The following CEBPZ variants were observed in gnomAD, a reference collection of about 807,000 sequenced individuals.
CEBPZ encodes the protein CCAAT enhancer binding protein zeta.
Under a neutral mutation model 104.5 loss-of-function variants are expected in CEBPZ, and 78 were observed. The ratio of observed to expected loss-of-function variants is 0.75; its 90% CI spans 0.62 to 0.90. CEBPZ has a LOEUF of 0.90. Ranked by LOEUF, CEBPZ falls within the 40% of genes least tolerant of loss-of-function variation. CEBPZ has a pLI of 0.00. For synonymous variants in CEBPZ, 470 were observed against 427.0 expected, an observed-to-expected ratio of 1.10 and a Z score of -1.24; for missense variants, 1,439 against 1,233.5, an observed-to-expected ratio of 1.17 and a Z score of -2.50.
intron 3 of CEBPZ, 124 bp from the exon 4 acceptor site, chr2:37,222,687 A>G: frequency 1.6e-6 from 1 of 610,970 alleles, no homozygotes; most frequent in South Asian, 2.6e-5. Context: ...AAGTTCTAAT[A>G]AAGTAAAATG....
Position 37,228,553 on chromosome 2 carries a change from G to C in CEBPZ, c.640C>G (p.Gln214Glu), listed in dbSNP as rs879467969. ...CTTTTGAATAAGTTGATTTCATGCT[G>C]ATACAGCTTCTGAGCAAGGGTTTTG... Reference protein sequence around the residue: ...KYKTLAQKLYQHEINLFKSKT... With the variant: ...KYKTLAQKLYEHEINLFKSKT... The change falls in exon 2 of 16, where the codon CAG becomes GAG. Residue 214 changes from glutamine to glutamate, a missense_variant. Coordinates refer to ENST00000234170, the MANE Select transcript of CEBPZ (RefSeq NM_005760.3). The C allele has an allele frequency of 1.9e-6, 3 of 1,614,150 alleles. No homozygotes were observed. Among genetic ancestry groups the C allele is most frequent in the Non-Finnish European group, 1.7e-6 (2 of 1,180,026 alleles).
rs752360147 is a variant in CEBPZ at position 37,216,225 on chromosome 2, T to C, written c.2312-17A>G. ...CTGTGTTTTCTGAAATGTAAAATTATGACAGTATAATGCAAAACCTAGTTA... is the reference window on the plus strand; with the variant it reads ...CTGTGTTTTCTGAAATGTAAAATTACGACAGTATAATGCAAAACCTAGTTA... On this transcript the variant is annotated splice_polypyrimidine_tract_variant and intron_variant, in intron 7 of 15. Transcript: ENST00000234170. 3 of 1,610,988 alleles carry C rather than the reference T, an allele frequency of 1.9e-6. No homozygotes were observed. In the South Asian group the frequency reaches 3.3e-5, roughly 18 times the overall value.
At chr2:37,207,319 G>A (rs1024820466) in intron 13 of CEBPZ, among the ~76,000 whole-genome samples, 14 of 151,998 alleles carry the variant, frequency 9.2e-5, no homozygotes, top group Admixed American at 2.6e-4. Context: ...AGATACCTAC[G>A]GAACATTCTA....
rs374019704 is a variant in CEBPZ at position 37,227,539 on chromosome 2, C to T, written c.1649+5G>A. 6.3e-7 allele frequency: 1 copy of T among 1,596,066 alleles called. No homozygotes were observed. The highest frequency in any genetic ancestry group is 8.5e-7 in the Non-Finnish European group (1 of 1,171,724). On this transcript the variant is annotated splice_donor_5th_base_variant and intron_variant, in intron 2 of 15. Coordinates refer to ENST00000234170, the MANE Select transcript of CEBPZ (RefSeq NM_005760.3). ...ATGTCTCATATTGGAAGGGTATGTT[C>T]TTACCTGTATAATGCTGTGTAATAT...
At chr2:37,216,541 G>T in intron 6 of CEBPZ, 123 bp from the exon 7 acceptor site, 1 of 692,176 alleles carries the variant, frequency 1.4e-6, no homozygotes, top group Non-Finnish European at 2.4e-6. Context: ...TGCAATAAAT[G>T]ACTCTTCAAA....
intron 10 of CEBPZ, 52 bp downstream of exon 10, chr2:37,213,812 T>C: frequency 9.1e-6 from 11 of 1,212,876 alleles, no homozygotes; most frequent in Non-Finnish European, 1.3e-5. Flanking sequence ...TTCCATGGTC[T>C]ATTAACACAT....
intron 13 of CEBPZ, chr2:37,208,759 T>G (rs574517668): frequency 6.6e-6 from 1 of 152,222 alleles, no homozygotes; most frequent in South Asian, 2.1e-4. Flanking sequence ...CTTTCACCAC[T>G]TCTATTCAAC....
At chr2:37,206,502 G>T (rs1210598050) in intron 13 of CEBPZ, among the ~76,000 whole-genome samples, 1 of 152,080 alleles carries the variant, frequency 6.6e-6, no homozygotes, top group African/African-American at 2.4e-5. Context: ...GGATTATAGG[G>T]GCTTACCAAC....
At chr2:37,225,865 T>C (rs1421608736) in intron 2 of CEBPZ, among the ~76,000 whole-genome samples, 1 of 96,700 alleles carries the variant, frequency 1.0e-5, no homozygotes, top group Non-Finnish European at 2.1e-5. Context: ...CCCGATTGTA[T>C]GCTCCATCTA....
chr2:37,227,539 C>G lies in CEBPZ; in HGVS notation c.1649+5G>C, dbSNP rs374019704. ...ATGTCTCATATTGGAAGGGTATGTT[C>G]TTACCTGTATAATGCTGTGTAATAT... On this transcript the variant is annotated splice_donor_5th_base_variant and intron_variant, in intron 2 of 15. Transcript: ENST00000234170. 3.1e-6 allele frequency: 5 copies of G among 1,595,950 alleles called. No homozygotes were observed. In the African/African-American group the frequency reaches 4.0e-5, roughly 13 times the overall value.
chr2:37,231,542 T>C lies in CEBPZ; in HGVS notation c.26A>G (p.Glu9Gly). The change falls in exon 1 of 16, where the codon GAG (glutamate) becomes GGG (glycine). Residue 9 changes from glutamate to glycine, a missense_variant. Transcript: ENST00000234170. ...GCGCCAAGGCCGCTTGGCATGGAACTCCAAAGGCTCCTTGACTGCGGCCAT... is the reference window on the plus strand; with the variant it reads ...GCGCCAAGGCCGCTTGGCATGGAACCCCAAAGGCTCCTTGACTGCGGCCAT... Reference protein sequence around the residue: MAAVKEPLEFHAKRPWRPE... With the variant: MAAVKEPLGFHAKRPWRPE... 1.2e-6 allele frequency: 2 copies of C among 1,614,206 alleles called. No homozygotes were observed. The highest frequency in any genetic ancestry group is 1.3e-5 in the African/African-American group (1 of 75,056).
intron 13 of CEBPZ, among the ~76,000 whole-genome samples, chr2:37,208,152 T>A (rs535577428): frequency 1.3e-5 from 2 of 152,076 alleles, no homozygotes; most frequent in East Asian, 3.9e-4. Flanking sequence ...ACTGAAACAG[T>A]AATAAAAAAA....
intron 13 of CEBPZ, chr2:37,209,168 T>G (rs1216271061): frequency 6.6e-6 from 1 of 151,974 alleles, no homozygotes; most frequent in African/African-American, 2.4e-5. Context: ...TGGAAACGCA[T>G]CCCATGTTCA....
At chr2:37,206,231 G>A (rs1485840892) in intron 13 of CEBPZ, among the ~76,000 whole-genome samples, 1 of 152,230 alleles carries the variant, frequency 6.6e-6, no homozygotes, top group Non-Finnish European at 1.5e-5. Context: ...GTGGCAACGT[G>A]TTTAGTCTCC....
Position 37,210,978 on chromosome 2 carries a change from A to G in CEBPZ, c.2884+21T>C, listed in dbSNP as rs752303203. ...TTCACATGGACACTGCTTTTAAAAG[A>G]TATTAAATGTATTTTCTTACCTTGA... On this transcript the variant is annotated intron_variant, in intron 13 of 15. Transcript: ENST00000234170. 1.1e-5 allele frequency: 17 copies of G among 1,554,744 alleles called. No individual in the cohort carries two copies. In the East Asian group the frequency reaches 3.8e-4, roughly 35 times the overall value.
intron 8 of CEBPZ, among the ~76,000 whole-genome samples, chr2:37,215,755 G>A (rs1461868401): frequency 6.6e-6 from 1 of 152,112 alleles, no homozygotes; most frequent in African/African-American, 2.4e-5. Context: ...GGGTTTTTGT[G>A]CTGCTAAGCT....
At chr2:37,206,584 C>G (rs1677547136) in intron 13 of CEBPZ, among the ~76,000 whole-genome samples, 1 of 152,164 alleles carries the variant, frequency 6.6e-6, no homozygotes, top group South Asian at 2.1e-4. Flanking sequence ...TCTTGAACTC[C>G]TGACTTCAGG....
chr2:37,223,830 C>T (rs1054209057), intron 2 of CEBPZ, among the ~76,000 whole-genome samples: 1 of 152,082 alleles, frequency 6.6e-6, no homozygotes, highest in South Asian at 2.1e-4. Flanking sequence ...GACCAGAGGC[C>T]GCCTCTTCAT....
At chr2:37,212,989 G>T (rs1259253243) in intron 10 of CEBPZ, among the ~76,000 whole-genome samples, 2 of 152,068 alleles carry the variant, frequency 1.3e-5, no homozygotes, top group Non-Finnish European at 2.9e-5. Flanking sequence ...CAGGGCTGCA[G>T]TGAGTTGGGA....
Sources: gnomAD v4.1 joint callset for allele counts (sites outside exome capture counted in the v4.1 genomes callset) on GRCh38, gnomAD v4.1.1 for gene constraint, MANE v1.5 for transcripts, NCBI Gene and HGNC (gene_info 2026-07-23, HGNC 2026-07-21) for gene names.